The following NCAN variants were observed in gnomAD, a reference collection of about 807,000 sequenced individuals.
NCAN encodes neurocan core protein.
Under a neutral mutation model 121.8 loss-of-function variants are expected in NCAN, and 47 were observed. That is an observed-to-expected ratio of 0.39 (90% confidence interval 0.31 to 0.49). The LOEUF (loss-of-function observed/expected upper bound fraction) is 0.49. Among genes scored for constraint, NCAN ranks in the 20% least tolerant of loss-of-function variants. The probability of loss-of-function intolerance (pLI) is 0.92; values close to 1 mark genes in which losing one functional copy is unlikely to be tolerated. For missense variants in NCAN, 1,517 were observed against 1,773.4 expected, an observed-to-expected ratio of 0.86 and a Z score of 2.60; for synonymous variants, 633 against 702.0, an observed-to-expected ratio of 0.90 and a Z score of 1.55.
In NCAN at chr19:19,224,049, G is replaced by A. The variant is rs1234687431; in HGVS notation, c.504G>A (p.Arg168=). ...TGVVFHYRSA[R]DRYALTFAEA... ...TTGTGTTCCACTACCGATCAGCCCG[G>A]GACCGCTATGCACTGACCTTCGCTG... The change falls in exon 4 of 15, where the codon CGG becomes CGA. Residue 168 remains arginine (R), a synonymous_variant. Coordinates refer to ENST00000252575, the MANE Select transcript of NCAN (RefSeq NM_004386.3). 63 of 1,566,342 alleles carry A rather than the reference G, an allele frequency of 4.0e-5. No individual in the cohort carries two copies. The highest frequency in any genetic ancestry group is 5.3e-5 in the Non-Finnish European group (61 of 1,150,748).
In NCAN at chr19:19,235,014, G is replaced by C; in HGVS notation, c.3168G>C (p.Glu1056Asp). 6.2e-7 allele frequency: 1 copy of C among 1,612,174 alleles called. No individual in the cohort carries two copies. Among genetic ancestry groups the C allele is most frequent in the Non-Finnish European group, 8.5e-7 (1 of 1,178,628 alleles). Reference protein sequence around the residue: ...DIDDCLCSPCENGGTCIDEVN... With the variant: ...DIDDCLCSPCDNGGTCIDEVN... Reference sequence around the variant, plus strand: ...ATGACTGCCTCTGCAGCCCCTGTGAGAATGGAGGCACCTGTATTGATGAGG... The same window carrying C: ...ATGACTGCCTCTGCAGCCCCTGTGACAATGGAGGCACCTGTATTGATGAGG... Residue 1056 changes from glutamate to aspartate, a missense_variant, in exon 10 of 15, where the codon GAG (glutamate) becomes GAC (aspartate). Glu to Asp is a conservative substitution (Grantham distance 45, BLOSUM62 2). Coordinates refer to ENST00000252575, the MANE Select transcript of NCAN (RefSeq NM_004386.3).
Position 19,248,813 on chromosome 19 carries a change from C to T in NCAN, c.3751C>T (p.His1251Tyr). ...RYQCNEGFAQ[H>Y]HVATIRCRSN... ...CCAGTGCAATGAAGGATTTGCCCAG[C>T]ACCATGTGGCCACCATTCGATGCCG... Residue 1251 changes from histidine to tyrosine, a missense_variant, in exon 14 of 15, where the codon CAC becomes TAC. His to Tyr is a moderately conservative substitution (Grantham distance 83). Coordinates refer to ENST00000252575, the MANE Select transcript of NCAN (RefSeq NM_004386.3). 1.9e-6 allele frequency: 3 copies of T among 1,614,208 alleles called. No homozygotes were observed. Among genetic ancestry groups the T allele is most frequent in the African/African-American group, 1.3e-5 (1 of 75,052 alleles).
intron 12 of NCAN, among the ~76,000 whole-genome samples, chr19:19,244,309 C>CTTTTTT (rs532412223): frequency 0.043 from 5,501 of 127,456 alleles, 524 homozygotes; most frequent in African/African-American, 0.16. Flanking sequence ...CCCTTACTAT[C>CTTTTTT]TTTTTTTTTT....
intron 8 of NCAN, 66 bp from the exon 9 acceptor site, chr19:19,233,723 C>A: frequency 9.6e-7 from 1 of 1,043,726 alleles, no homozygotes; most frequent in Non-Finnish European, 1.5e-6. Flanking sequence ...GGCCTGGGGT[C>A]TTGATTCCAG....
Position 19,227,824 on chromosome 19 carries a change from C to G in NCAN, c.2204C>G (p.Ala735Gly), listed in dbSNP as rs2060843468. 2 of 1,613,658 alleles carry G rather than the reference C, an allele frequency of 1.2e-6. No homozygotes were observed. Among genetic ancestry groups the G allele is most frequent in the East Asian group, 4.5e-5 (2 of 44,884 alleles). ...SPWPSVNRNV[A>G]VGFVPTETAT... is the part of the protein sequence containing the mutation. ...TGGCCTTCTGTAAACAGGAATGTGG[C>G]TGTAGGTTTTGTCCCCACTGAGACT... is the stretch of plus-strand genomic sequence containing the variant. Residue 735 changes from alanine to glycine, a missense_variant, in exon 8 of 15, where the codon GCT becomes GGT. Physicochemically the swap from Ala to Gly is moderately conservative, Grantham distance 60. Coordinates refer to ENST00000252575, the MANE Select transcript of NCAN (RefSeq NM_004386.3). This position sits in a 1 kb window ranked among gnomAD's most constrained non-coding sequence, Gnocchi z 4.2.
rs1487129559 is a variant in NCAN at position 19,228,119 on chromosome 19, C to T, written c.2499C>T (p.Val833=). Residue 833 remains valine, a synonymous_variant, in exon 8 of 15, where the codon GTC becomes GTT. Transcript: ENST00000252575. ...GPTVNPMDST[V]TPAPSDASGI... The stretch of plus-strand genomic sequence containing the variant: ...CTGTGAATCCCATGGATTCCACAGT[C>T]ACGCCGGCCCCCAGTGATGCTAGTG... 6.2e-7 allele frequency: 1 copy of T among 1,613,662 alleles called. No individual in the cohort carries two copies. Among genetic ancestry groups the T allele is most frequent in the Non-Finnish European group, 8.5e-7 (1 of 1,180,014 alleles).
Position 19,227,880 on chromosome 19 carries a change from C to G in NCAN, c.2260C>G (p.Pro754Ala). Residue 754 changes from proline to alanine, a missense_variant, in exon 8 of 15, where the codon CCG becomes GCG. Pro to Ala is a conservative substitution (Grantham distance 27). Coordinates refer to ENST00000252575, the MANE Select transcript of NCAN (RefSeq NM_004386.3). This position sits in a 1 kb window ranked among gnomAD's most constrained non-coding sequence, Gnocchi z 4.2. ...TGAGCCAACGGGCCTCAGGGGTATC[C>G]CGGGGTCTGAGTCTGGGGTCTTCGA... ...ATEPTGLRGI[P>A]GSESGVFDTA... 6.2e-7 allele frequency: 1 copy of G among 1,613,716 alleles called. No homozygotes were observed. Among genetic ancestry groups the G allele is most frequent in the Non-Finnish European group, 8.5e-7 (1 of 1,180,012 alleles).
At chr19:19,217,678 C>T (rs1386676338) in intron 2 of NCAN, among the ~76,000 whole-genome samples, 1 of 152,150 alleles carries the variant, frequency 6.6e-6, no homozygotes, top group African/African-American at 2.4e-5. Flanking sequence ...GGAGTGAAAT[C>T]CCTGTCCTTA....
At chr19:19,222,894 G>A (rs1361757442) in intron 3 of NCAN, among the ~76,000 whole-genome samples, 2 of 151,982 alleles carry the variant, frequency 1.3e-5, no homozygotes, top group Non-Finnish European at 2.9e-5. Context: ...GGATCACGAG[G>A]TCAGGAGATC....
intron 8 of NCAN, among the ~76,000 whole-genome samples, chr19:19,229,685 G>A (rs1234453110): frequency 2.0e-5 from 3 of 152,190 alleles, no homozygotes; most frequent in Non-Finnish European, 4.4e-5. Flanking sequence ...GTTCTCCCTG[G>A]GGCCAGGTCA....
chr19:19,225,666 C>T lies in NCAN; in HGVS notation c.1072+396C>T, dbSNP rs917365251. Among the ~76,000 whole-genome samples the T allele has an allele frequency of 6.6e-6, 1 of 152,220 alleles. No individual in the cohort carries two copies. On this transcript the variant is annotated intron_variant, in intron 6 of 14. Transcript: ENST00000252575. This position sits in a 1 kb window ranked among gnomAD's most constrained non-coding sequence, Gnocchi z 4.0. ...GCCTCAATTGGCCACCTCTGGGCAC[C>T]ACACCGGATGTGGGAGCAGGGATGA... is the stretch of plus-strand genomic sequence containing the variant.
chr19:19,216,182 G>A (rs552973685), intron 1 of NCAN, among the ~76,000 whole-genome samples: 90 of 152,134 alleles, frequency 5.9e-4, no homozygotes, highest in African/African-American at 1.9e-3. Flanking sequence ...TCAGTCTCGC[G>A]CTGTCACCCA....
Position 19,228,541 on chromosome 19 carries a change from T to C in NCAN, c.2921T>C (p.Leu974Pro). Reference protein sequence around the residue: ...LGIEDFELEVLAGSPGVESFW... With the variant: ...LGIEDFELEVPAGSPGVESFW... ...ATAGAGGACTTCGAACTGGAGGTCC[T>C]GGCAGGGAGCCCGGGTGTAGAGAGC... The change falls in exon 8 of 15, where the codon CTG becomes CCG. Residue 974 changes from leucine to proline, a missense_variant. Physicochemically the swap from Leu to Pro is moderately conservative, Grantham distance 98. Coordinates refer to ENST00000252575, the MANE Select transcript of NCAN (RefSeq NM_004386.3). 6.2e-7 allele frequency: 1 copy of C among 1,613,252 alleles called. No individual in the cohort carries two copies. Among genetic ancestry groups the C allele is most frequent in the Non-Finnish European group, 8.5e-7 (1 of 1,179,996 alleles).
chr19:19,241,662 C>A (rs1231906692), intron 12 of NCAN, among the ~76,000 whole-genome samples: 2 of 151,664 alleles, frequency 1.3e-5, no homozygotes, highest in Admixed American at 6.6e-5. Context: ...CACAGTGAGA[C>A]CCCCGTCTCT....
chr19:19,231,547 T>A (rs2060859933), intron 8 of NCAN, among the ~76,000 whole-genome samples: 1 of 151,938 alleles, frequency 6.6e-6, no homozygotes, highest in South Asian at 2.1e-4. Context: ...CAGGTTGGTC[T>A]CAAGCTCCTG....
chr19:19,223,773 G>A (rs570457148), intron 3 of NCAN, among the ~76,000 whole-genome samples: 10 of 152,200 alleles, frequency 6.6e-5, no homozygotes, highest in African/African-American at 1.4e-4. Context: ...ATGCCTGAAC[G>A]GCCGTAAACG....
chr19:19,240,592 C>T lies in NCAN; in HGVS notation c.3410-11C>T, dbSNP rs762141031. 13 of 1,613,892 alleles carry T rather than the reference C, an allele frequency of 8.1e-6. No individual in the cohort carries two copies. Among genetic ancestry groups the T allele is most frequent in the South Asian group, 1.1e-5 (1 of 91,090 alleles). The stretch of plus-strand genomic sequence containing the variant: ...GGTGAACACCCAGACCCACAACCCC[C>T]GACCCTGCAGGCTTTGGGCATGAAA... On this transcript the variant is annotated splice_polypyrimidine_tract_variant and intron_variant, in intron 11 of 14. Coordinates refer to ENST00000252575, the MANE Select transcript of NCAN (RefSeq NM_004386.3).
At chr19:19,223,323 C>T (rs898563939) in intron 3 of NCAN, among the ~76,000 whole-genome samples, 1 of 152,122 alleles carries the variant, frequency 6.6e-6, no homozygotes, top group African/African-American at 2.4e-5. Context: ...TCAGATCTCT[C>T]TGAATTTGAA....
intron 10 of NCAN, among the ~76,000 whole-genome samples, chr19:19,236,832 G>A (rs1324592689): frequency 6.6e-6 from 1 of 151,720 alleles, no homozygotes; most frequent in East Asian, 1.9e-4. Context: ...AGGCTCAAGC[G>A]ATTCTCTTGC....
Sources: gnomAD v4.1 joint callset for allele counts (sites outside exome capture counted in the v4.1 genomes callset) on GRCh38, gnomAD v4.1.1 for gene constraint, Gnocchi (gnomAD v3.1) non-coding constraint, MANE v1.5 for transcripts, NCBI Gene and HGNC (gene_info 2026-07-23, HGNC 2026-07-21) for gene names.